AGBL1: variants seen among roughly 807,000 people sequenced by gnomAD.
AGBL1 encodes cytosolic carboxypeptidase 4.
Under a neutral mutation model 118.9 loss-of-function variants are expected in AGBL1, and 130 were observed. The ratio of observed to expected loss-of-function variants is 1.09; its 90% CI spans 0.95 to 1.26. The LOEUF (loss-of-function observed/expected upper bound fraction) is 1.26. Among genes scored for constraint, AGBL1 ranks in the 50% most tolerant of loss-of-function variants. AGBL1 has a pLI of 0.00. For synonymous variants in AGBL1, 555 were observed against 478.9 expected (o/e 1.16, Z -2.08); for missense variants, 1,584 against 1,298.1 (o/e 1.22, Z -3.38).
chr15:86,195,750 G>T (rs750285408), intron 5 of AGBL1, among the ~76,000 whole-genome samples: 1 of 152,184 alleles, frequency 6.6e-6, no homozygotes, highest in Non-Finnish European at 1.5e-5. Flanking sequence ...AAACCACAGA[G>T]CAGGATAGCA....
At chr15:86,825,068 A>T (rs1440864015) in intron 22 of AGBL1, among the ~76,000 whole-genome samples, 2 of 152,002 alleles carry the variant, frequency 1.3e-5, no homozygotes, top group Non-Finnish European at 2.9e-5. Context: ...AAACAAAAAC[A>T]AACAAACAAA....
chr15:86,272,323 G>C (rs898605591), intron 15 of AGBL1, among the ~76,000 whole-genome samples: 3 of 152,142 alleles, frequency 2.0e-5, no homozygotes, highest in Non-Finnish European at 2.9e-5. Context: ...CAGCCATCTA[G>C]ATTGCTTATA....
At chr15:86,994,479 C>G (rs2081362433) in intron 24 of AGBL1, among the ~76,000 whole-genome samples, 1 of 152,132 alleles carries the variant, frequency 6.6e-6, no homozygotes, top group Non-Finnish European at 1.5e-5. Context: ...AAAAGACTCT[C>G]TACCATACCA....
At chr15:86,512,056 G>A (rs2083058504) in intron 18 of AGBL1, among the ~76,000 whole-genome samples, 1 of 151,908 alleles carries the variant, frequency 6.6e-6, no homozygotes, top group Non-Finnish European at 1.5e-5. Context: ...TTTAATTCAT[G>A]TGAATATACG....
At chr15:86,142,515 T>C (rs865898586) in intron 2 of AGBL1, among the ~76,000 whole-genome samples, 15 of 152,350 alleles carry the variant, frequency 9.8e-5, no homozygotes, top group South Asian at 8.3e-4. Flanking sequence ...AACTGGAGCA[T>C]GCTTCTATTC....
At chr15:86,268,146 T>C (rs1170663818) in intron 13 of AGBL1, among the ~76,000 whole-genome samples, 1 of 152,226 alleles carries the variant, frequency 6.6e-6, no homozygotes, top group Non-Finnish European at 1.5e-5. Context: ...TCAGTATAGC[T>C]GAGACCTCCC....
chr15:86,705,679 T>G (rs1312524553), intron 22 of AGBL1, among the ~76,000 whole-genome samples: 1 of 152,182 alleles, frequency 6.6e-6, no homozygotes, highest in East Asian at 1.9e-4. Context: ...TAATTTATAC[T>G]CTTAATGTAC....
chr15:86,227,390 C>A (rs2078383290), intron 6 of AGBL1, among the ~76,000 whole-genome samples: 1 of 152,222 alleles, frequency 6.6e-6, no homozygotes, highest in Non-Finnish European at 1.5e-5. Context: ...AAATACTCAG[C>A]CTTAATGTGT....
intron 5 of AGBL1, among the ~76,000 whole-genome samples, chr15:86,162,093 T>C (rs1266694186): frequency 6.6e-6 from 1 of 152,178 alleles, no homozygotes; most frequent in East Asian, 1.9e-4. Context: ...ATTTCCATCT[T>C]TCACAAACTC....
chr15:86,140,764 G>A (rs1341957985), intron 1 of AGBL1, among the ~76,000 whole-genome samples: 3 of 152,134 alleles, frequency 2.0e-5, no homozygotes, highest in African/African-American at 7.2e-5. Context: ...GCTGGAAGAG[G>A]GAAGAGTGTG....
At chr15:86,982,343 G>T (rs1281749354) in intron 23 of AGBL1, among the ~76,000 whole-genome samples, 1 of 151,418 alleles carries the variant, frequency 6.6e-6, no homozygotes, top group Non-Finnish European at 1.5e-5. Context: ...CTCTTTTATA[G>T]TATACATTGT....
rs1423572916 is a variant in AGBL1 at position 86,912,210 on chromosome 15, C to G, written c.*4916C>G. 2 of 152,226 alleles carry G rather than the reference C, an allele frequency of 1.3e-5. No individual in the cohort carries two copies. The highest frequency in any genetic ancestry group is 6.5e-5 in the Admixed American group (1 of 15,284). 9.4% of individuals were successfully genotyped at this position (152,226 alleles called of 1,614,324 possible). A position where few individuals can be genotyped will look rare whatever the true frequency, so the allele number is the denominator to read the frequency against. Reference sequence around the variant, plus strand: ...GTGTAGCACAAGTGCAGCCTGGCCTCTCAAGCTGGTGGTTGCCATGGAAGA... The same window carrying G: ...GTGTAGCACAAGTGCAGCCTGGCCTGTCAAGCTGGTGGTTGCCATGGAAGA... On this transcript the variant is annotated 3_prime_UTR_variant, in exon 23 of 23. Coordinates refer to ENST00000614907, the MANE Select transcript of AGBL1 (RefSeq NM_001386094.1).
intron 23 of AGBL1, among the ~76,000 whole-genome samples, chr15:86,979,550 G>A (rs1000038749): frequency 2.6e-5 from 4 of 151,952 alleles, no homozygotes; most frequent in South Asian, 4.2e-4. Flanking sequence ...GTGCAGTGGC[G>A]CGATCTCGGC....
At chr15:86,628,686 C>G (rs1384537008) in intron 21 of AGBL1, among the ~76,000 whole-genome samples, 1 of 151,944 alleles carries the variant, frequency 6.6e-6, no homozygotes, top group East Asian at 1.9e-4. Flanking sequence ...GTCCCAGCTA[C>G]TTGGGAGGCT....
chr15:86,392,892 G>A (rs1302441754), intron 17 of AGBL1, among the ~76,000 whole-genome samples: 2 of 152,096 alleles, frequency 1.3e-5, no homozygotes, highest in African/African-American at 2.4e-5. Flanking sequence ...AAGCAGACAC[G>A]AGTTACTAAG....
At chr15:86,446,064 G>A (rs16977250) in intron 18 of AGBL1, among the ~76,000 whole-genome samples, 6,392 of 152,218 alleles carry the variant, frequency 0.042, 195 homozygotes, top group South Asian at 0.097. Flanking sequence ...TGGGTAAATG[G>A]AAAGGAAGCA....
In AGBL1 at chr15:86,892,379, G is replaced by A. The variant is rs554934726; in HGVS notation, c.3159-14708G>A. ...ATCATGTAACAGAGTTCATGACTTC[G>A]ATTGGGGCTGAATGAATACCTCATT... On this transcript the variant is annotated intron_variant, in intron 22 of 22. Transcript: ENST00000614907. 8.5e-5 allele frequency among the ~76,000 whole-genome samples: 13 copies of A among 152,216 alleles called. No homozygotes were observed. In the South Asian group the frequency reaches 1.5e-3, roughly 17 times the overall value.
At chr15:86,780,830 G>A (rs1314498035) in intron 22 of AGBL1, among the ~76,000 whole-genome samples, 3 of 151,732 alleles carry the variant, frequency 2.0e-5, no homozygotes, top group Non-Finnish European at 4.4e-5. Context: ...ACCACACCTG[G>A]CTAATTTTTG....
intron 22 of AGBL1, among the ~76,000 whole-genome samples, chr15:86,770,941 T>C (rs1460952252): frequency 6.6e-6 from 1 of 152,078 alleles, no homozygotes; most frequent in Admixed American, 6.6e-5. Flanking sequence ...CATAGTTAGA[T>C]GTGGCCATGT....
Sources: gnomAD v4.1 joint callset for allele counts (sites outside exome capture counted in the v4.1 genomes callset) on GRCh38, gnomAD v4.1.1 for gene constraint, MANE v1.5 for transcripts, NCBI Gene and HGNC (gene_info 2026-07-23, HGNC 2026-07-21) for gene names.